MYT1L: variants seen among roughly 807,000 people sequenced by gnomAD.
MYT1L encodes myelin transcription factor 1 like, also known as myelin transcription factor 1-like protein.
MYT1L carries 12 observed loss-of-function variants against 126.7 expected under a neutral mutation model. The observed-to-expected ratio is 0.09, with a 90% CI of 0.06 to 0.15. The LOEUF (loss-of-function observed/expected upper bound fraction) is 0.15. Ranked by LOEUF, MYT1L falls within the 10% of genes least tolerant of loss-of-function variation. The pLI is 1.00. For synonymous variants in MYT1L, 541 were observed against 604.2 expected (o/e 0.90, Z 1.53); for missense variants, 979 against 1,585.2 (o/e 0.62, Z 6.49).
intron 2 of MYT1L, among the ~76,000 whole-genome samples, chr2:2,197,289 GATA>G (rs1044884068): frequency 6.6e-6 from 1 of 152,110 alleles, no homozygotes; most frequent in African/African-American, 2.4e-5. Flanking sequence ...TCTACTATGA[GATA>G]ATAATAAATG....
rs1198136844 is a variant in MYT1L, at chr2:1,903,114, T to C, written c.1998A>G (p.Gln666=). Residue 666 remains glutamine (Q), a synonymous_variant, in exon 14 of 25, where the codon CAA becomes CAG. Coordinates refer to ENST00000647738, the MANE Select transcript of MYT1L (RefSeq NM_001303052.2). ...ATCCTTTGGGGGATATATCCCTGGTTTGCACCTTGGGAGCTATGGCTCGCT... is the reference window on the plus strand; with the variant it reads ...ATCCTTTGGGGGATATATCCCTGGTCTGCACCTTGGGAGCTATGGCTCGCT... ...YGKRAIAPKV[Q]TRDISPKGYD... 6.2e-7 allele frequency: 1 copy of C among 1,614,020 alleles called. No homozygotes were observed. Among genetic ancestry groups the C allele is most frequent in the Admixed American group, 1.7e-5 (1 of 60,026 alleles).
chr2:2,323,979 C>A (rs1249432649), intron 1 of MYT1L: 2 of 152,154 alleles, frequency 1.3e-5, no homozygotes, highest in African/African-American at 4.8e-5. Context: ...CTGTAAGTTT[C>A]TAAAAACAGT....
At chr2:1,840,301 C>A (rs1200052127) in intron 20 of MYT1L, among the ~76,000 whole-genome samples, 1 of 152,120 alleles carries the variant, frequency 6.6e-6, no homozygotes, top group East Asian at 1.9e-4. Context: ...TAGTCACAGG[C>A]TCCAAGCTCA....
chr2:1,870,452 G>C (rs1350164151), intron 18 of MYT1L, among the ~76,000 whole-genome samples: 1 of 152,216 alleles, frequency 6.6e-6, no homozygotes, highest in Non-Finnish European at 1.5e-5. Context: ...GGACAGGATA[G>C]GGTTGAGGTG....
intron 2 of MYT1L, among the ~76,000 whole-genome samples, chr2:2,203,303 A>T (rs1364577258): frequency 6.7e-6 from 1 of 149,956 alleles, no homozygotes; most frequent in Non-Finnish European, 1.5e-5. Context: ...AATAAAGGGT[A>T]TTCAATTAGG....
Position 1,839,514 on chromosome 2 carries a change from A to G in MYT1L, c.2859-144T>C, listed in dbSNP as rs574191205. The G allele has an allele frequency of 5.6e-5, 39 of 700,478 alleles. No homozygotes were observed. In the East Asian group the frequency reaches 1.0e-3, roughly 18 times the overall value. 43.4% of individuals were successfully genotyped at this position (700,478 alleles called of 1,614,324 possible). On this transcript the variant is annotated intron_variant, in intron 20 of 24. Coordinates refer to ENST00000647738, the MANE Select transcript of MYT1L (RefSeq NM_001303052.2). ...GGGCAAAAGGAAAAGAAAAAAGAGA[A>G]AGAAAGAAAAGTCACTAAAAGACAC...
chr2:2,181,114 C>T (rs148829514), intron 2 of MYT1L, among the ~76,000 whole-genome samples: 1 of 151,242 alleles, frequency 6.6e-6, no homozygotes, highest in East Asian at 1.9e-4. Flanking sequence ...GAACATGTAT[C>T]TGTACCTGTG....
intron 3 of MYT1L, among the ~76,000 whole-genome samples, chr2:2,114,214 T>C (rs143161812): frequency 6.6e-6 from 1 of 152,368 alleles, no homozygotes; most frequent in Non-Finnish European, 1.5e-5. Context: ...TGTGGTGCTA[T>C]TTCCTGGTAT....
At chr2:1,994,294 C>T (rs1049021451) in intron 5 of MYT1L, among the ~76,000 whole-genome samples, 1 of 151,948 alleles carries the variant, frequency 6.6e-6, no homozygotes, top group African/African-American at 2.4e-5. Flanking sequence ...AGCGAGTCCT[C>T]CTGGGGGGCT....
chr2:2,242,104 A>G (rs1283579573), intron 2 of MYT1L, among the ~76,000 whole-genome samples: 2 of 152,204 alleles, frequency 1.3e-5, no homozygotes, highest in African/African-American at 4.8e-5. Flanking sequence ...AGGAAAAGGA[A>G]AAGGAAAAAA....
intron 3 of MYT1L, among the ~76,000 whole-genome samples, chr2:2,166,006 GC>G: frequency 6.6e-6 from 1 of 151,978 alleles, no homozygotes; most frequent in South Asian, 2.1e-4. Flanking sequence ...AGAAGAGCAT[GC>G]ATGAAATATT....
Position 1,789,878 on chromosome 2 carries a change from C to A in MYT1L, c.*1989G>T, listed in dbSNP as rs2031737278. The A allele has an allele frequency of 6.6e-6, 1 of 152,184 alleles. No individual in the cohort carries two copies. Among genetic ancestry groups the A allele is most frequent in the Non-Finnish European group, 1.5e-5 (1 of 68,036 alleles). The allele number at this position is 152,184 out of a possible 1,614,324, so 9.4% of individuals were successfully genotyped here. On this transcript the variant is annotated 3_prime_UTR_variant, in exon 25 of 25. Transcript: ENST00000647738. ...CCCCGAAATAATTACATCGTCTTTT[C>A]CCAGCTAGTTATTAAAGTCCTTGTG...
intron 9 of MYT1L, among the ~76,000 whole-genome samples, chr2:1,936,065 G>A (rs1043565408): frequency 6.6e-6 from 1 of 152,234 alleles, no homozygotes; most frequent in Non-Finnish European, 1.5e-5. Flanking sequence ...TGGGATTGCA[G>A]GCATGTGCCA....
chr2:2,268,733 G>A (rs973590281), intron 2 of MYT1L, among the ~76,000 whole-genome samples: 4 of 152,132 alleles, frequency 2.6e-5, no homozygotes, highest in Non-Finnish European at 5.9e-5. Flanking sequence ...AAGATAACCC[G>A]CGGCAGTTGT....
At chr2:1,884,301 C>A (rs1057502372) in intron 18 of MYT1L, among the ~76,000 whole-genome samples, 37 of 152,320 alleles carry the variant, frequency 2.4e-4, no homozygotes, top group Admixed American at 1.0e-3. Context: ...GACGATGCTG[C>A]TGCAGGACAA....
At chr2:1,996,448 T>G (rs2061853127) in intron 5 of MYT1L, among the ~76,000 whole-genome samples, 1 of 144,820 alleles carries the variant, frequency 6.9e-6, no homozygotes, top group Non-Finnish European at 1.5e-5. Context: ...CTTTACCTAG[T>G]GAGTGAGGGC....
chr2:1,809,201 C>T lies in MYT1L; in HGVS notation c.3081-34G>A, dbSNP rs756394567. On this transcript the variant is annotated intron_variant, in intron 21 of 24. Coordinates refer to ENST00000647738, the MANE Select transcript of MYT1L (RefSeq NM_001303052.2). ...AAGACACAGGACGGCCATTAGTCAACTGTCTAATGTCCCAGCCCTGCAGGG... is the reference window on the plus strand; with the variant it reads ...AAGACACAGGACGGCCATTAGTCAATTGTCTAATGTCCCAGCCCTGCAGGG... The T allele has an allele frequency of 4.4e-6, 7 of 1,584,868 alleles. No homozygotes were observed. The Admixed American group carries it at 1.2e-4, about 26-fold the overall frequency.
At chr2:2,022,400 T>A (rs1365649717) in intron 4 of MYT1L, among the ~76,000 whole-genome samples, 1 of 152,192 alleles carries the variant, frequency 6.6e-6, no homozygotes, top group East Asian at 1.9e-4. Flanking sequence ...TGGGACAGTG[T>A]TTTCCTTGGC....
chr2:1,881,381 T>TGC (rs2047524795), intron 18 of MYT1L, among the ~76,000 whole-genome samples: 1 of 151,796 alleles, frequency 6.6e-6, no homozygotes, highest in Non-Finnish European at 1.5e-5. Flanking sequence ...TGTGTGTGTG[T>TGC]GTGTGTGTGT....
Sources: gnomAD v4.1 joint callset for allele counts (sites outside exome capture counted in the v4.1 genomes callset) on GRCh38, gnomAD v4.1.1 for gene constraint, MANE v1.5 for transcripts, NCBI Gene and HGNC (gene_info 2026-07-23, HGNC 2026-07-21) for gene names.